RIN1: variants seen among roughly 807,000 people sequenced by gnomAD.
The protein encoded by RIN1 is Ras and Rab interactor 1.
In RIN1, 52 loss-of-function variants were observed where a neutral mutation model predicts 64.9. That is an observed-to-expected ratio of 0.80 (90% confidence interval 0.64 to 1.01). RIN1 has a LOEUF of 1.01. Ranked by LOEUF, RIN1 falls within the 50% of genes least tolerant of loss-of-function variation. RIN1 has a pLI of 0.00. For missense variants in RIN1, 1,040 were observed against 1,064.5 expected (o/e 0.98, Z 0.32); for synonymous variants, 486 against 483.6 (o/e 1.00, Z -0.06).
rs573426435 is a variant in RIN1, at chr11:66,333,310, C to A, written c.1823G>T (p.Arg608Leu). Residue 608 changes from arginine (R) to leucine (L), a missense_variant, in exon 9 of 10, where the codon CGC becomes CTC. By Grantham distance (102) the Arg-to-Leu change is moderately radical. Transcript: ENST00000311320. ...LPLSPVQELR[R>L]SLSLWEQRRL... The stretch of plus-strand genomic sequence containing the variant: ...GCGCTGCTCCCAGAGGCTGAGGGAG[C>A]GCCGTAGCTCCTGCACGGGGCTCAG... 1.9e-6 allele frequency: 3 copies of A among 1,612,582 alleles called. No homozygotes were observed. The highest frequency in any genetic ancestry group is 1.7e-5 in the Admixed American group (1 of 60,014).
Position 66,334,977 on chromosome 11 carries a change from G to T in RIN1, c.822C>A (p.Val274=). 1.3e-6 allele frequency: 2 copies of T among 1,568,942 alleles called. No homozygotes were observed. The highest frequency in any genetic ancestry group is 1.7e-6 in the Non-Finnish European group (2 of 1,158,064). The change falls in exon 6 of 10, where the codon GTC becomes GTA. Residue 274 remains valine (V), a synonymous_variant. Transcript: ENST00000311320. ...PPPVPVLPGA[V]PSQTERLPPC... ...GGGGCAGCCGCTCTGTCTGGCTGGGGACTGCCCCTGGCAGCACGGGGACGG... is the reference window on the plus strand; with the variant it reads ...GGGGCAGCCGCTCTGTCTGGCTGGGTACTGCCCCTGGCAGCACGGGGACGG...
chr11:66,336,177 A>T lies in RIN1; in HGVS notation c.87-19T>A. ...GGCTGGCCTGGGGGCAGGCACCCAG[A>T]TCTGAGCAGGGAGCCAGGGGCTGGG... On this transcript the variant is annotated intron_variant, in intron 1 of 9. Coordinates refer to ENST00000311320, the MANE Select transcript of RIN1 (RefSeq NM_004292.3). 1 of 1,464,708 alleles carries T rather than the reference A, an allele frequency of 6.8e-7. No individual in the cohort carries two copies. Among genetic ancestry groups the T allele is most frequent in the Non-Finnish European group, 9.0e-7 (1 of 1,105,470 alleles). 90.7% of individuals were successfully genotyped at this position (1,464,708 alleles called of 1,614,324 possible).
In RIN1 at chr11:66,333,401, A is replaced by C. The variant is rs141696986; in HGVS notation, c.1732T>G (p.Tyr578Asp). The C allele has an allele frequency of 1.2e-6, 2 of 1,608,520 alleles. No homozygotes were observed. Among genetic ancestry groups the C allele is most frequent in the Non-Finnish European group, 1.7e-6 (2 of 1,176,714 alleles). ...PSLLTGEGGY[Y>D]LTSLSASLAL... ...AGGCTGGCAGAGAGGCTGGTCAGGT[A>C]GTAGCCACCTGGGACACAGGGTGGA... is the stretch of plus-strand genomic sequence containing the variant. Residue 578 changes from tyrosine (Y) to aspartate (D), a missense_variant, in exon 9 of 10, where the codon TAC (tyrosine) becomes GAC (aspartate). Physicochemically the swap from Tyr to Asp is radical, Grantham distance 160. Coordinates refer to ENST00000311320, the MANE Select transcript of RIN1 (RefSeq NM_004292.3).
chr11:66,334,104 A>T lies in RIN1; in HGVS notation c.1406T>A (p.Leu469His). ...GGGGCCCTGGGCCCGGGCCAGGCGG[A>T]GGCCCTCAGCTAGGCGGCCCAGGGA... ...DGSLGRLAEG[L>H]RLARAQGPGA... The change falls in exon 7 of 10, where the codon CTC (leucine) becomes CAC (histidine). Residue 469 changes from leucine to histidine, a missense_variant. Coordinates refer to ENST00000311320, the MANE Select transcript of RIN1 (RefSeq NM_004292.3). 6.4e-7 allele frequency: 1 copy of T among 1,557,596 alleles called. No homozygotes were observed. The highest frequency in any genetic ancestry group is 8.7e-7 in the Non-Finnish European group (1 of 1,151,096).
rs1854801406 is a variant in RIN1 at position 66,333,887 on chromosome 11, C to A, written c.1591+32G>T. 5 of 1,486,422 alleles carry A rather than the reference C, an allele frequency of 3.4e-6. No individual in the cohort carries two copies. The South Asian group carries it at 4.1e-5, about 12-fold the overall frequency. 92.1% of individuals were successfully genotyped at this position (1,486,422 alleles called of 1,614,324 possible). A position where few individuals can be genotyped will look rare whatever the true frequency, so the allele number is the denominator to read the frequency against. On this transcript the variant is annotated intron_variant, in intron 7 of 9. Transcript: ENST00000311320. ...GGGGCCCGCCTCTGACTCAAAGGGG[C>A]AGGGCAGGGTGAGGTGGTGGCAGGG...
At chr11:66,335,715 G>C in intron 3 of RIN1, 33 bp from the exon 4 acceptor site, 1 of 1,611,836 alleles carries the variant, frequency 6.2e-7, no homozygotes, top group South Asian at 1.1e-5. Flanking sequence ...TGCTTCTCTG[G>C]GGAACCTCCC....
intron 6 of RIN1, 21 bp from the exon 7 acceptor site, chr11:66,334,245 G>A: frequency 6.9e-7 from 1 of 1,446,138 alleles, no homozygotes; most frequent in Non-Finnish European, 9.1e-7. Context: ...GACAGGGAGG[G>A]GTCAGGGGAA....
In RIN1 at chr11:66,332,593, G is replaced by C; in HGVS notation, c.2035C>G (p.Gln679Glu). 6.2e-7 allele frequency: 1 copy of C among 1,609,650 alleles called. No individual in the cohort carries two copies. Among genetic ancestry groups the C allele is most frequent in the East Asian group, 2.2e-5 (1 of 44,830 alleles). Residue 679 changes from glutamine (Q) to glutamate (E), a missense_variant, in exon 10 of 10, where the codon CAG becomes GAG. Coordinates refer to ENST00000311320, the MANE Select transcript of RIN1 (RefSeq NM_004292.3). Reference protein sequence around the residue: ...NTFGLFLYKEQGYHRLPPGAL... With the variant: ...NTFGLFLYKEEGYHRLPPGAL... ...CCAGGGGGCAGGCGGTGGTAGCCCT[G>C]CTCCTTGTACAGGAAGAGGCCAAAA...
rs759907058 is a variant in RIN1, at chr11:66,336,393, G to A, written c.10C>T (p.Pro4Ser). Reference sequence around the variant, plus strand: ...GGAGAGCCCGCGCCTGACTCTCCAGGGCTTTCCATGGCTGGGAGCTCCTTC... The same window carrying A: ...GGAGAGCCCGCGCCTGACTCTCCAGAGCTTTCCATGGCTGGGAGCTCCTTC... Reference protein sequence around the residue: MESPGESGAGSPGA... With the variant: MESSGESGAGSPGA... The change falls in exon 1 of 10, where the codon CCT becomes TCT. Residue 4 changes from proline to serine, a missense_variant. Physicochemically the swap from Pro to Ser is moderately conservative, Grantham distance 74. Coordinates refer to ENST00000311320, the MANE Select transcript of RIN1 (RefSeq NM_004292.3). The A allele has an allele frequency of 1.1e-5, 17 of 1,612,818 alleles. No individual in the cohort carries two copies. Among genetic ancestry groups the A allele is most frequent in the Non-Finnish European group, 1.4e-5 (17 of 1,179,500 alleles).
rs147308400 is a variant in RIN1 at position 66,335,663 on chromosome 11, C to T, written c.402G>A (p.Ser134=). ...ESPGGVSLEG[S]ELMFPDLVQL... ...GGACTAGGTCTGGGAACATGAGCTC[C>T]GAGCCCTCCAAGGAGACGCCTGAGA... The change falls in exon 4 of 10, where the codon TCG becomes TCA. Residue 134 remains serine (S), a synonymous_variant. Transcript: ENST00000311320. The T allele has an allele frequency of 6.3e-5, 101 of 1,613,526 alleles. No homozygotes were observed. The highest frequency in any genetic ancestry group is 3.2e-4 in the African/African-American group (24 of 75,020).
chr11:66,331,980 T>C lies in RIN1; in HGVS notation c.*296A>G, dbSNP rs1854741766. 4.2e-6 allele frequency: 2 copies of C among 474,112 alleles called. No homozygotes were observed. Among genetic ancestry groups the C allele is most frequent in the Non-Finnish European group, 7.6e-6 (2 of 262,790 alleles). The allele number at this position is 474,112 out of a possible 1,614,324, so 29.4% of individuals were successfully genotyped here. A position where few individuals can be genotyped will look rare whatever the true frequency, so the allele number is the denominator to read the frequency against. Reference sequence around the variant, plus strand: ...CTCCCCACGTCAGAGGTTGGGCATCTGTCGGATTCGCCCCCACTTGGCACA... The same window carrying C: ...CTCCCCACGTCAGAGGTTGGGCATCCGTCGGATTCGCCCCCACTTGGCACA... On this transcript the variant is annotated 3_prime_UTR_variant, in exon 10 of 10. Coordinates refer to ENST00000311320, the MANE Select transcript of RIN1 (RefSeq NM_004292.3).
Position 66,333,904 on chromosome 11 carries a change from G to A in RIN1, c.1591+15C>T. ...CAAAGGGGCAGGGCAGGGTGAGGTG[G>A]TGGCAGGGACATACCTTCCTGGGTC... On this transcript the variant is annotated intron_variant, in intron 7 of 9. Coordinates refer to ENST00000311320, the MANE Select transcript of RIN1 (RefSeq NM_004292.3). 6.6e-7 allele frequency: 1 copy of A among 1,503,848 alleles called. No homozygotes were observed. Among genetic ancestry groups the A allele is most frequent in the Middle Eastern group, 2.2e-4 (1 of 4,610 alleles). The allele number at this position is 1,503,848 out of a possible 1,614,324, so 93.2% of individuals were successfully genotyped here. A position where few individuals can be genotyped will look rare whatever the true frequency, so the allele number is the denominator to read the frequency against.
Position 66,334,994 on chromosome 11 carries a change from CG to C in RIN1, c.804del (p.Val269CysfsTer82). On this transcript the variant is annotated frameshift_variant, in exon 6 of 10. Coordinates refer to ENST00000311320, the MANE Select transcript of RIN1 (RefSeq NM_004292.3). LOFTEE classifies it high-confidence loss of function. ...TGGCTGGGGACTGCCCCTGGCAGCA[CG>C]GGGACGGGGGGAGGTGGCACGGCAG... ...SPPAVPPPPVPVLPGAVPSQT... is the reference protein window; with the variant it reads ...SPPAVPPPPVXVLPGAVPSQT... 6.5e-7 allele frequency: 1 copy of C among 1,548,868 alleles called. No homozygotes were observed. The highest frequency in any genetic ancestry group is 2.0e-5 in the Admixed American group (1 of 50,164).
intron 2 of RIN1, 29 bp downstream of exon 2, chr11:66,335,949 C>A (rs1426619083): frequency 6.7e-7 from 1 of 1,490,134 alleles, no homozygotes; most frequent in Non-Finnish European, 8.9e-7. Context: ...CCTGGCTGGC[C>A]AGTCCCTGGA....
Position 66,332,420 on chromosome 11 carries a change from A to G in RIN1, c.2208T>C (p.Asp736=), listed in dbSNP as rs758192414. ...SRGEEQGCQG[D]GDAGVKASPR... ...GGCTGGCTTTGACCCCAGCATCCCC[A>G]TCTCCCTGGCACCCTTGCTCCTCCC... The change falls in exon 10 of 10, where the codon GAT becomes GAC. Residue 736 remains aspartate, a synonymous_variant. Coordinates refer to ENST00000311320, the MANE Select transcript of RIN1 (RefSeq NM_004292.3). The G allele has an allele frequency of 2.5e-6, 4 of 1,614,022 alleles. No homozygotes were observed. The South Asian group carries it at 4.4e-5, about 18-fold the overall frequency.
chr11:66,333,881 A>G (rs1316853118), intron 7 of RIN1, 38 bp downstream of exon 7: 1 of 1,476,812 alleles, frequency 6.8e-7, no homozygotes, highest in Admixed American at 2.5e-5. Flanking sequence ...CTCTGACTCA[A>G]AGGGGCAGGG....
chr11:66,333,220 G>A lies in RIN1; in HGVS notation c.1875+38C>T. The A allele has an allele frequency of 3.1e-6, 5 of 1,603,382 alleles. No homozygotes were observed. The South Asian group carries it at 3.3e-5, about 11-fold the overall frequency. ...GGACAGGAAGGTGAAAGGCGGGGAT[G>A]GCGTCTGGCTCTGAGGACACGGTGG... is the stretch of plus-strand genomic sequence containing the variant. On this transcript the variant is annotated intron_variant, in intron 9 of 9. Transcript: ENST00000311320.
chr11:66,332,238 G>C lies in RIN1; in HGVS notation c.*38C>G. Reference sequence around the variant, plus strand: ...TAAAAGGATTTCTCAGCAGGCTCAGGGTCTCCCGCCCCGAATGACCCTTCT... The same window carrying C: ...TAAAAGGATTTCTCAGCAGGCTCAGCGTCTCCCGCCCCGAATGACCCTTCT... On this transcript the variant is annotated 3_prime_UTR_variant, in exon 10 of 10. Coordinates refer to ENST00000311320, the MANE Select transcript of RIN1 (RefSeq NM_004292.3). 1 of 1,588,008 alleles carries C rather than the reference G, an allele frequency of 6.3e-7. No homozygotes were observed. The highest frequency in any genetic ancestry group is 8.6e-7 in the Non-Finnish European group (1 of 1,158,364).
chr11:66,332,975 TGAA>T (rs1477885920), intron 9 of RIN1: 1 of 606,236 alleles, frequency 1.6e-6, no homozygotes, highest in East Asian at 2.8e-5. Flanking sequence ...AAGCCTGAGA[TGAA>T]GATTTGATAG....
Sources: gnomAD v4.1 joint callset for allele counts on GRCh38, gnomAD v4.1.1 for gene constraint, MANE v1.5 for transcripts, NCBI Gene and HGNC (gene_info 2026-07-23, HGNC 2026-07-21) for gene names.